PSTPIP2: variants seen among roughly 807,000 people sequenced by gnomAD.
The protein encoded by PSTPIP2 is proline-serine-threonine phosphatase interacting protein 2, also known as proline-serine-threonine phosphatase-interacting protein 2.
A neutral mutation model predicts 63.3 loss-of-function variants in PSTPIP2; 33 were observed. That is an observed-to-expected ratio of 0.52 (90% CI 0.40 to 0.70). The LOEUF (loss-of-function observed/expected upper bound fraction) is 0.70. PSTPIP2 is among the 30% of genes least tolerant of loss of function. The probability of loss-of-function intolerance (pLI) is 0.00; values close to 1 mark genes in which losing one functional copy is unlikely to be tolerated. For synonymous variants in PSTPIP2, 125 were observed against 132.7 expected, an observed-to-expected ratio of 0.94 and a Z score of 0.40; for missense variants, 312 against 400.7, an observed-to-expected ratio of 0.78 and a Z score of 1.89.
chr18:45,992,914 C>T (rs1408364277), intron 10 of PSTPIP2, among the ~76,000 whole-genome samples: 6 of 151,894 alleles, frequency 4.0e-5, no homozygotes, highest in Admixed American at 3.3e-4. Flanking sequence ...TTAGTAGAGA[C>T]GGGGTTTCAC....
intron 13 of PSTPIP2, among the ~76,000 whole-genome samples, chr18:45,989,407 A>G (rs1422543821): frequency 6.6e-6 from 1 of 152,020 alleles, no homozygotes; most frequent in Non-Finnish European, 1.5e-5. Flanking sequence ...TCTTGCCACC[A>G]CCATGTAAGA....
chr18:46,003,188 C>G (rs2051686686), intron 6 of PSTPIP2, among the ~76,000 whole-genome samples: 1 of 152,214 alleles, frequency 6.6e-6, no homozygotes, highest in Non-Finnish European at 1.5e-5. Flanking sequence ...TCACTCTCCA[C>G]TAGACCTCCT....
At chr18:46,052,579 C>A (rs1908619771) in intron 1 of PSTPIP2, among the ~76,000 whole-genome samples, 1 of 147,716 alleles carries the variant, frequency 6.8e-6, no homozygotes, top group African/African-American at 2.5e-5. Context: ...AAAAAAAAAA[C>A]TTTTTCTAAG....
chr18:46,062,122 T>C (rs186288895), intron 1 of PSTPIP2, among the ~76,000 whole-genome samples: 1 of 152,280 alleles, frequency 6.6e-6, no homozygotes, highest in Non-Finnish European at 1.5e-5. Context: ...TCCTGCCCTT[T>C]AGAAGGCATG....
At chr18:45,996,700 G>A (rs1358729071) in intron 9 of PSTPIP2, among the ~76,000 whole-genome samples, 2 of 151,816 alleles carry the variant, frequency 1.3e-5, no homozygotes, top group African/African-American at 4.8e-5. Context: ...GGAGGCAAAG[G>A]TGGAAGGATT....
chr18:46,064,391 G>A (rs1435685360), intron 1 of PSTPIP2, among the ~76,000 whole-genome samples: 13 of 142,658 alleles, frequency 9.1e-5, no homozygotes, highest in Admixed American at 8.0e-4. Flanking sequence ...CCCAAGTCCA[G>A]GCGATTCTCC....
chr18:46,016,976 T>C (rs1330495242), intron 3 of PSTPIP2, among the ~76,000 whole-genome samples: 1 of 152,238 alleles, frequency 6.6e-6, no homozygotes, highest in Non-Finnish European at 1.5e-5. Context: ...TTTAGATTTA[T>C]CCATATGTGC....
chr18:46,072,018 G>T, intron 1 of PSTPIP2, 138 bp downstream of exon 1: 1 of 1,161,628 alleles, frequency 8.6e-7, no homozygotes. Context: ...ATCCCTTCAC[G>T]CGCGAGCTCC....
rs909926847 is a variant in PSTPIP2 at position 45,987,278 on chromosome 18, G to A, written c.*8+1424C>T. Among the ~76,000 whole-genome samples the A allele has an allele frequency of 4.6e-5, 7 of 152,256 alleles. No homozygotes were observed. In the South Asian group the frequency reaches 1.0e-3, roughly 23 times the overall value. ...TGTGCTCACTTTGGTGGTATAGAACGCTATAGAAAATCACCCTGGAGCACT... is the reference window on the plus strand; with the variant it reads ...TGTGCTCACTTTGGTGGTATAGAACACTATAGAAAATCACCCTGGAGCACT... On this transcript the variant is annotated intron_variant, in intron 14 of 14. Transcript: ENST00000409746.
intron 2 of PSTPIP2, among the ~76,000 whole-genome samples, chr18:46,035,970 C>T (rs1907958985): frequency 6.6e-6 from 1 of 152,062 alleles, no homozygotes; most frequent in Non-Finnish European, 1.5e-5. Flanking sequence ...TTGCCAGCAT[C>T]ACCTCTATTA....
At chr18:46,040,891 G>T (rs773856952) in intron 1 of PSTPIP2, 2 of 405,490 alleles carry the variant, frequency 4.9e-6, no homozygotes, top group Middle Eastern at 3.6e-4. Context: ...CCCAAATTCA[G>T]GCCAGGAGAG....
At chr18:46,004,967 A>C (rs930675576) in intron 6 of PSTPIP2, among the ~76,000 whole-genome samples, 6 of 152,224 alleles carry the variant, frequency 3.9e-5, no homozygotes, top group African/African-American at 1.4e-4. Context: ...CCTAAATGCC[A>C]ATCAATGACA....
At chr18:46,043,692 G>T (rs1162747006) in intron 1 of PSTPIP2, among the ~76,000 whole-genome samples, 1 of 152,106 alleles carries the variant, frequency 6.6e-6, no homozygotes, top group African/African-American at 2.4e-5. Context: ...ATACATATTG[G>T]AAAGGAAAAA....
At chr18:46,010,534 T>G (rs1269503753) in intron 5 of PSTPIP2, among the ~76,000 whole-genome samples, 1 of 152,194 alleles carries the variant, frequency 6.6e-6, no homozygotes, top group Non-Finnish European at 1.5e-5. Context: ...AGAACAGAGT[T>G]GTGGCTGGTC....
intron 3 of PSTPIP2, among the ~76,000 whole-genome samples, chr18:46,018,614 C>T (rs2051878453): frequency 6.6e-6 from 1 of 152,154 alleles, no homozygotes. Flanking sequence ...AGTGAGCTGC[C>T]CGCCTTGGCC....
At chr18:46,039,170 A>G (rs901697583) in intron 2 of PSTPIP2, among the ~76,000 whole-genome samples, 4 of 152,166 alleles carry the variant, frequency 2.6e-5, no homozygotes, top group African/African-American at 9.7e-5. Flanking sequence ...TCCTCTTAAC[A>G]TATTCTTTCA....
chr18:46,034,493 A>G (rs1477869495), intron 2 of PSTPIP2, among the ~76,000 whole-genome samples: 1 of 152,196 alleles, frequency 6.6e-6, no homozygotes, highest in African/African-American at 2.4e-5. Flanking sequence ...TTTAAAGCCC[A>G]CTAAACTTCA....
intron 10 of PSTPIP2, among the ~76,000 whole-genome samples, chr18:45,993,310 G>A (rs1013897777): frequency 6.6e-6 from 1 of 152,142 alleles, no homozygotes; most frequent in Non-Finnish European, 1.5e-5. Context: ...GGCCAGGCTG[G>A]TCTCAAACTC....
At chr18:46,014,933 G>A (rs2051837835) in intron 4 of PSTPIP2, among the ~76,000 whole-genome samples, 1 of 152,150 alleles carries the variant, frequency 6.6e-6, no homozygotes, top group African/African-American at 2.4e-5. Context: ...TCAGGGATGA[G>A]GATGTTTTTC....
Sources: gnomAD v4.1 joint callset for allele counts (sites outside exome capture counted in the v4.1 genomes callset) on GRCh38, gnomAD v4.1.1 for gene constraint, MANE v1.5 for transcripts, NCBI Gene and HGNC (gene_info 2026-07-23, HGNC 2026-07-21) for gene names.